BDKRB1: variants seen among roughly 807,000 people sequenced by gnomAD.
BDKRB1 encodes bradykinin receptor B1, also known as B1 bradykinin receptor.
For missense variants in BDKRB1, 414 were observed against 441.4 expected (o/e 0.94, Z 0.56); for synonymous variants, 192 against 189.1 (o/e 1.02, Z -0.13).
chr14:96,263,326 C>T (rs1393915373), intron 2 of BDKRB1, among the ~76,000 whole-genome samples: 1 of 152,238 alleles, frequency 6.6e-6, no homozygotes, highest in Non-Finnish European at 1.5e-5. Flanking sequence ...ACACGATTCT[C>T]TCCAATGTTT....
Position 96,263,886 on chromosome 14 carries a change from AC to A in BDKRB1, c.205del (p.Leu69Ter). 1 of 1,614,230 alleles carries A rather than the reference AC, an allele frequency of 6.2e-7. No individual in the cohort carries two copies. Among genetic ancestry groups the A allele is most frequent in the Non-Finnish European group, 8.5e-7 (1 of 1,180,046 alleles). On this transcript the variant is annotated frameshift_variant, in exon 3 of 3. Coordinates refer to ENST00000216629, the MANE Select transcript of BDKRB1 (RefSeq NM_000710.4). LOFTEE classifies it low-confidence loss of function (END_TRUNC). ...TGGTCTTCCTCCTGCCCCGGCGGCA[AC>A]TGAACGTGGCAGAAATCTACCTGGC... ...LLVFLLPRRQ[L>X]NVAEIYLANL...
At chr14:96,262,871 A>C in intron 2 of BDKRB1, 101 bp downstream of exon 2, 1 of 351,936 alleles carries the variant, frequency 2.8e-6, no homozygotes, top group South Asian at 2.2e-5. Flanking sequence ...CATCTGATCC[A>C]TCTGCCTTGG....
At chr14:96,259,000 A>G (rs1885681998) in intron 1 of BDKRB1, among the ~76,000 whole-genome samples, 1 of 152,174 alleles carries the variant, frequency 6.6e-6, no homozygotes, top group Admixed American at 6.5e-5. Flanking sequence ...TCTTCCCACA[A>G]GCTGAAATGT....
chr14:96,262,572 C>T lies in BDKRB1; in HGVS notation c.-129-80C>T, dbSNP rs115266979. 328 of 415,418 alleles carry T rather than the reference C, an allele frequency of 7.9e-4. 1 individual carries two copies. The highest frequency in any genetic ancestry group is 6.4e-3 in the African/African-American group (297 of 46,364). 25.7% of individuals were successfully genotyped at this position (415,418 alleles called of 1,614,324 possible). A position where few individuals can be genotyped will look rare whatever the true frequency, so the allele number is the denominator to read the frequency against. The stretch of plus-strand genomic sequence containing the variant: ...TATCCTTATTTATTACTCATGCTTT[C>T]CTTTCTCTTTTTTCTTTTCTCTCTC... On this transcript the variant is annotated intron_variant, in intron 1 of 2. Transcript: ENST00000216629.
chr14:96,263,739 C>A lies in BDKRB1; in HGVS notation c.57C>A (p.Phe19Leu). The change falls in exon 3 of 3, where the codon TTC becomes TTA. Residue 19 changes from phenylalanine to leucine, a missense_variant. Coordinates refer to ENST00000216629, the MANE Select transcript of BDKRB1 (RefSeq NM_000710.4). Reference sequence around the variant, plus strand: ...AATCCTCCAACCAGAGCCAGCTCTTCCCTCAAAATGCTACGGCCTGTGACA... The same window carrying A: ...AATCCTCCAACCAGAGCCAGCTCTTACCTCAAAATGCTACGGCCTGTGACA... ...ELQSSNQSQL[F>L]PQNATACDNA... The A allele has an allele frequency of 1.2e-6, 2 of 1,614,198 alleles. No individual in the cohort carries two copies. The highest frequency in any genetic ancestry group is 1.7e-6 in the Non-Finnish European group (2 of 1,180,028).
In BDKRB1 at chr14:96,264,021, C is replaced by T. The variant is rs1595276670; in HGVS notation, c.339C>T (p.Ile113=). ...WPFGALLCRV[I]NGVIKANLFI... ...TCGGAGCCCTCCTCTGCCGTGTCATCAACGGGGTCATCAAGGCCAATTTGT... is the reference window on the plus strand; with the variant it reads ...TCGGAGCCCTCCTCTGCCGTGTCATTAACGGGGTCATCAAGGCCAATTTGT... Residue 113 remains isoleucine (I), a synonymous_variant, in exon 3 of 3, where the codon ATC becomes ATT. Coordinates refer to ENST00000216629, the MANE Select transcript of BDKRB1 (RefSeq NM_000710.4). 1.2e-6 allele frequency: 2 copies of T among 1,614,168 alleles called. No homozygotes were observed. The highest frequency in any genetic ancestry group is 1.7e-6 in the Non-Finnish European group (2 of 1,180,004).
intron 1 of BDKRB1, among the ~76,000 whole-genome samples, chr14:96,261,573 A>G (rs983675869): frequency 6.6e-6 from 1 of 152,232 alleles, no homozygotes; most frequent in Admixed American, 6.5e-5. Context: ...TCCAAGGTTA[A>G]TTCTCTGCTA....
At position 96,260,990 on chromosome 14, in the gene BDKRB1, A is replaced by G. The variant is rs371439071; in HGVS notation, c.-129-1662A>G. Among the ~76,000 whole-genome samples the G allele has an allele frequency of 5.3e-5, 8 of 151,940 alleles. No individual in the cohort carries two copies. In the East Asian group the frequency reaches 1.2e-3, roughly 22 times the overall value. ...GAACTCCTGTTCTTCCCCACCCCCC[A>G]CAAAAAAAACTGCTTCATCTTCATT... On this transcript the variant is annotated intron_variant, in intron 1 of 2. Transcript: ENST00000216629.
intron 1 of BDKRB1, among the ~76,000 whole-genome samples, chr14:96,257,378 C>CT (rs1365587302): frequency 6.6e-6 from 1 of 152,198 alleles, no homozygotes; most frequent in Admixed American, 6.5e-5. Flanking sequence ...AAGTTATTAT[C>CT]TTACAGTTCT....
intron 1 of BDKRB1, among the ~76,000 whole-genome samples, chr14:96,257,307 G>A (rs974857926): frequency 9.2e-5 from 14 of 152,304 alleles, no homozygotes; most frequent in African/African-American, 2.9e-4. Context: ...CCTCACCCCC[G>A]TGCTGGTTTC....
chr14:96,261,739 T>A (rs1885754181), intron 1 of BDKRB1, among the ~76,000 whole-genome samples: 1 of 152,212 alleles, frequency 6.6e-6, no homozygotes, highest in South Asian at 2.1e-4. Flanking sequence ...TATTAACCTA[T>A]CCAAGCTGGG....
chr14:96,263,619 T>G, intron 2 of BDKRB1, 54 bp from the exon 3 acceptor site: 1 of 1,513,234 alleles, frequency 6.6e-7, no homozygotes, highest in East Asian at 2.4e-5. Context: ...TTGGTTTGGC[T>G]CATAGGCTGT....
At chr14:96,261,785 G>A (rs34334635) in intron 1 of BDKRB1, among the ~76,000 whole-genome samples, 4,688 of 152,346 alleles carry the variant, frequency 0.031, 133 homozygotes, top group East Asian at 0.13. Flanking sequence ...GTCTGGAGCC[G>A]CATAAATCCC....
chr14:96,259,774 C>T (rs943059306), intron 1 of BDKRB1: 3 of 152,202 alleles, frequency 2.0e-5, no homozygotes, highest in African/African-American at 7.2e-5. Context: ...GTTTTTCTGT[C>T]TGAAGAGTCC....
chr14:96,259,286 T>TG (rs201030520), intron 1 of BDKRB1: 1 of 129,280 alleles, frequency 7.7e-6, no homozygotes, highest in Admixed American at 7.2e-5. Context: ...CAATGTCCAC[T>TG]AAAATTGATT....
intron 2 of BDKRB1, 80 bp downstream of exon 2, chr14:96,262,850 A>C: frequency 1.2e-5 from 4 of 344,910 alleles, no homozygotes; most frequent in East Asian, 8.1e-5. Context: ...CTGGTCTTGA[A>C]CTCCTGGGTT....
rs185115758 is a variant in BDKRB1, at chr14:96,264,006, C to A, written c.324C>A (p.Leu108=). ...AGTTTAACTGGCCTTTCGGAGCCCT[C>A]CTCTGCCGTGTCATCAACGGGGTCA... is the stretch of plus-strand genomic sequence containing the variant. The part of the protein sequence containing the change: ...WNQFNWPFGA[L]LCRVINGVIK... The change falls in exon 3 of 3, where the codon CTC becomes CTA. Residue 108 remains leucine (L), a synonymous_variant. Coordinates refer to ENST00000216629, the MANE Select transcript of BDKRB1 (RefSeq NM_000710.4). The A allele has an allele frequency of 6.2e-7, 1 of 1,614,118 alleles. No homozygotes were observed. The highest frequency in any genetic ancestry group is 1.7e-5 in the Admixed American group (1 of 60,018).
In BDKRB1 at chr14:96,263,913, C is replaced by T; in HGVS notation, c.231C>T (p.Ala77=). The change falls in exon 3 of 3, where the codon GCC becomes GCT. Residue 77 remains alanine, a synonymous_variant. Coordinates refer to ENST00000216629, the MANE Select transcript of BDKRB1 (RefSeq NM_000710.4). ...RQLNVAEIYL[A]NLAASDLVFV... is the part of the protein sequence containing the mutation. ...TGAACGTGGCAGAAATCTACCTGGC[C>T]AACCTGGCAGCCTCTGATCTGGTGT... The T allele has an allele frequency of 6.2e-7, 1 of 1,614,260 alleles. No individual in the cohort carries two copies. The highest frequency in any genetic ancestry group is 8.5e-7 in the Non-Finnish European group (1 of 1,180,052).
Position 96,264,719 on chromosome 14 carries a change from T to G in BDKRB1, c.1037T>G (p.Ile346Ser). 1.9e-6 allele frequency: 3 copies of G among 1,607,814 alleles called. No individual in the cohort carries two copies. The highest frequency in any genetic ancestry group is 2.5e-6 in the Non-Finnish European group (3 of 1,177,978). Reference sequence around the variant, plus strand: ...ATATCTTCATCCCATAGGAAAGAAATCTTCCAACTTTTCTGGCGGAATTAA... The same window carrying G: ...ATATCTTCATCCCATAGGAAAGAAAGCTTCCAACTTTTCTGGCGGAATTAA... ...APISSSHRKEIFQLFWRN is the reference protein window; with the variant it reads ...APISSSHRKESFQLFWRN Residue 346 changes from isoleucine to serine, a missense_variant, in exon 3 of 3, where the codon ATC becomes AGC. Ile to Ser is a moderately radical substitution (Grantham distance 142). Coordinates refer to ENST00000216629, the MANE Select transcript of BDKRB1 (RefSeq NM_000710.4).
Sources: allele counts gnomAD v4.1 joint callset (sites outside exome capture counted in the v4.1 genomes callset), GRCh38; gene constraint gnomAD v4.1.1; transcripts MANE v1.5; gene names NCBI Gene and HGNC (gene_info 2026-07-23, HGNC 2026-07-21).